CNTN6: variants seen among roughly 807,000 people sequenced by gnomAD.
CNTN6 encodes contactin 6.
A neutral mutation model predicts 122.8 loss-of-function variants in CNTN6; 137 were observed. That is an observed-to-expected ratio of 1.12 (90% CI 0.97 to 1.29). The LOEUF is 1.29. CNTN6 is among the 50% of genes most tolerant of loss of function. CNTN6 has a pLI of 0.00. For missense variants in CNTN6, 1,634 were observed against 1,223.4 expected, an observed-to-expected ratio of 1.34 and a Z score of -5.01; for synonymous variants, 570 against 426.0, an observed-to-expected ratio of 1.34 and a Z score of -4.16.
intron 2 of CNTN6, among the ~76,000 whole-genome samples, chr3:1,212,728 G>A (rs879892203): frequency 2.0e-4 from 30 of 152,004 alleles, no homozygotes; most frequent in Non-Finnish European, 3.4e-4. Context: ...CATGTTTTCA[G>A]CTGTTCCTAT....
intron 22 of CNTN6, 109 bp from the exon 23 acceptor site, chr3:1,403,199 GTATAATAAAA>G (rs1695951374): frequency 1.1e-5 from 7 of 617,012 alleles, no homozygotes; most frequent in Non-Finnish European, 2.0e-5. Flanking sequence ...AATGAGACAA[GTATAATAAAA>G]TATGTTACTA....
intron 1 of CNTN6, among the ~76,000 whole-genome samples, chr3:1,122,818 G>A (rs756372177): frequency 1.3e-5 from 2 of 151,752 alleles, no homozygotes; most frequent in East Asian, 1.9e-4. Flanking sequence ...TCCATTTTAT[G>A]TACATATCAC....
intron 2 of CNTN6, among the ~76,000 whole-genome samples, chr3:1,150,178 G>A (rs142947465): frequency 4.1e-4 from 62 of 152,232 alleles, no homozygotes; most frequent in East Asian, 5.8e-4. Context: ...TTTGTTAGAC[G>A]TTTCATGGTG....
chr3:1,243,085 GAGA>G (rs1273991106), intron 4 of CNTN6, among the ~76,000 whole-genome samples: 1 of 152,106 alleles, frequency 6.6e-6, no homozygotes, highest in Non-Finnish European at 1.5e-5. Flanking sequence ...CTGCTAAGCC[GAGA>G]AGATCTGGGA....
chr3:1,152,879 T>C (rs2092878919), intron 2 of CNTN6, among the ~76,000 whole-genome samples: 1 of 152,178 alleles, frequency 6.6e-6, no homozygotes, highest in South Asian at 2.1e-4. Context: ...TGAGTGTCAA[T>C]GGCTGCTATT....
chr3:1,103,720 C>T (rs1017904769), intron 1 of CNTN6, among the ~76,000 whole-genome samples: 2 of 152,102 alleles, frequency 1.3e-5, no homozygotes, highest in African/African-American at 4.8e-5. Flanking sequence ...TTGCTTTTAC[C>T]ATTAGGGGGC....
chr3:1,132,626 C>G (rs913040028), intron 1 of CNTN6, among the ~76,000 whole-genome samples: 1 of 149,836 alleles, frequency 6.7e-6, no homozygotes, highest in Non-Finnish European at 1.5e-5. Context: ...TACTGCATTC[C>G]AGCCTGGATA....
Position 1,372,359 on chromosome 3 carries a change from T to C in CNTN6, c.1553T>C (p.Val518Ala). 2 of 1,613,632 alleles carry C rather than the reference T, an allele frequency of 1.2e-6. No homozygotes were observed. Among genetic ancestry groups the C allele is most frequent in the Non-Finnish European group, 1.7e-6 (2 of 1,179,682 alleles). Residue 518 changes from valine (V) to alanine (A), a missense_variant, in exon 13 of 23, where the codon GTG becomes GCG. By Grantham distance (64) the Val-to-Ala change is moderately conservative. Coordinates refer to ENST00000446702, the MANE Select transcript of CNTN6 (RefSeq NM_001289080.2). Reference sequence around the variant, plus strand: ...GATGTTACAGTTGGCGAGAGTATAGTGCTACCATGCCAGGTGTCCCATGAC... The same window carrying C: ...GATGTTACAGTTGGCGAGAGTATAGCGCTACCATGCCAGGTGTCCCATGAC... Reference protein sequence around the residue: ...KMDVTVGESIVLPCQVSHDPS... With the variant: ...KMDVTVGESIALPCQVSHDPS...
At chr3:1,361,328 C>G (rs1025280338) in intron 12 of CNTN6, among the ~76,000 whole-genome samples, 1 of 152,064 alleles carries the variant, frequency 6.6e-6, no homozygotes, top group Non-Finnish European at 1.5e-5. Flanking sequence ...TACAATGTTG[C>G]TATTAAAATA....
rs746720324 is a variant in CNTN6 at position 1,402,380 on chromosome 3, T to C, written c.2880T>C (p.Ala960=). 6.8e-6 allele frequency: 11 copies of C among 1,612,504 alleles called. No homozygotes were observed. In the East Asian group the frequency reaches 1.6e-4, roughly 23 times the overall value. Residue 960 remains alanine, a synonymous_variant, in exon 22 of 23, where the codon GCT becomes GCC. Transcript: ENST00000446702. ...THILETNNTS[A]ELLVPFEEDY... ...TTTTGGAAACAAACAATACATCAGC[T>C]GAGCTTCTGGTTCCATTTGAAGAAG...
At chr3:1,149,639 C>T (rs2092796631) in intron 2 of CNTN6, among the ~76,000 whole-genome samples, 1 of 152,074 alleles carries the variant, frequency 6.6e-6, no homozygotes, top group East Asian at 1.9e-4. Context: ...ATTGGTGACA[C>T]CTCTAAGTCT....
intron 7 of CNTN6, among the ~76,000 whole-genome samples, chr3:1,306,478 G>C (rs983318447): frequency 1.3e-5 from 2 of 152,000 alleles, no homozygotes; most frequent in Non-Finnish European, 2.9e-5. Context: ...GCTCAACCTA[G>C]CAATAAATAA....
intron 4 of CNTN6, among the ~76,000 whole-genome samples, chr3:1,256,326 A>G (rs540523437): frequency 4.7e-4 from 71 of 152,294 alleles, no homozygotes; most frequent in Middle Eastern, 3.4e-3. Flanking sequence ...GGAGACTAAG[A>G]AAACTGAGAT....
chr3:1,180,598 T>C (rs891244774), intron 2 of CNTN6, among the ~76,000 whole-genome samples: 4 of 152,254 alleles, frequency 2.6e-5, no homozygotes, highest in Non-Finnish European at 4.4e-5. Flanking sequence ...TCATCACTCA[T>C]TGAGGGATCA....
intron 3 of CNTN6, among the ~76,000 whole-genome samples, chr3:1,225,580 A>C (rs2125542604): frequency 6.6e-6 from 1 of 152,334 alleles, no homozygotes; most frequent in East Asian, 1.9e-4. Flanking sequence ...TGAAAACGAT[A>C]GGGAACATGG....
At position 1,329,830 on chromosome 3, in the gene CNTN6, T is replaced by C; in HGVS notation, c.1259T>C (p.Phe420Ser). Reference sequence around the variant, plus strand: ...AAAAGTCCAGTTAAAAAAAAGTCTTTTGTTCAAGTTGGTGGGGATATTGTT... The same window carrying C: ...AAAAGTCCAGTTAAAAAAAAGTCTTCTGTTCAAGTTGGTGGGGATATTGTT... ...FSKSPVKKKS[F>S]VQVGGDIVIG... The change falls in exon 11 of 23, where the codon TTT becomes TCT. Residue 420 changes from phenylalanine to serine, a missense_variant. Transcript: ENST00000446702. 3.1e-6 allele frequency: 5 copies of C among 1,609,546 alleles called. No individual in the cohort carries two copies. The highest frequency in any genetic ancestry group is 4.2e-6 in the Non-Finnish European group (5 of 1,177,836).
intron 1 of CNTN6, among the ~76,000 whole-genome samples, chr3:1,125,410 C>T (rs1177089987): frequency 6.6e-6 from 1 of 151,804 alleles, no homozygotes; most frequent in Non-Finnish European, 1.5e-5. Flanking sequence ...TAGCCTTTTA[C>T]ATCAATGGGC....
chr3:1,257,193 C>G (rs2094773402), intron 4 of CNTN6, among the ~76,000 whole-genome samples: 1 of 152,082 alleles, frequency 6.6e-6, no homozygotes, highest in Non-Finnish European at 1.5e-5. Context: ...TAAATTGGGT[C>G]TTTGCCTAGT....
intron 2 of CNTN6, among the ~76,000 whole-genome samples, chr3:1,155,736 AT>A (rs1357440184): frequency 1.3e-5 from 2 of 152,050 alleles, no homozygotes; most frequent in Admixed American, 6.6e-5. Context: ...CTCAAGATGT[AT>A]TTTTTTATTC....
Sources: allele counts gnomAD v4.1 joint callset (sites outside exome capture counted in the v4.1 genomes callset), GRCh38; gene constraint gnomAD v4.1.1; transcripts MANE v1.5; gene names NCBI Gene and HGNC (gene_info 2026-07-23, HGNC 2026-07-21).